CIB3: variants seen among roughly 807,000 people sequenced by gnomAD.
The protein encoded by CIB3 is calcium and integrin-binding family member 3.
A neutral mutation model predicts 23.4 loss-of-function variants in CIB3; 22 were observed. The ratio of observed to expected loss-of-function variants is 0.94; its 90% CI spans 0.67 to 1.34. CIB3 has a LOEUF of 1.34. Ranked by LOEUF, CIB3 falls within the 40% of genes most tolerant of loss-of-function variation. The pLI is 0.00. For synonymous variants in CIB3, 93 were observed against 95.8 expected (o/e 0.97, Z 0.17); for missense variants, 258 against 247.3 (o/e 1.04, Z -0.29).
At position 16,167,239 on chromosome 19, in the gene CIB3, C is replaced by CA. The variant is rs1442216733; in HGVS notation, c.346+897dup. Among the ~76,000 whole-genome samples, 5 of 151,848 alleles carry CA rather than the reference C, an allele frequency of 3.3e-5. No homozygotes were observed. The South Asian group carries it at 6.2e-4, about 19-fold the overall frequency. ...TTGTCTCACAAAAAAAAAACACACA[C>CA]ACAAAAAAAACAAGTATTTATTGAG... On this transcript the variant is annotated intron_variant, in intron 4 of 5. Coordinates refer to ENST00000269878, the MANE Select transcript of CIB3 (RefSeq NM_054113.4).
Position 16,169,732 on chromosome 19 carries a change from A to G in CIB3, c.96T>C (p.Tyr32=). The change falls in exon 3 of 6, where the codon TAT becomes TAC. Residue 32 remains tyrosine (Y), a synonymous_variant. Transcript: ENST00000269878. ...FTRKEIMRLF[Y]RYQDLAPQLV... is the part of the protein sequence containing the mutation. ...GCTGTGGGGCCAGGTCCTGGTAGCGATAGAAGAGCCTGATGTGGGGAGGAA... is the reference window on the plus strand; with the variant it reads ...GCTGTGGGGCCAGGTCCTGGTAGCGGTAGAAGAGCCTGATGTGGGGAGGAA... The G allele has an allele frequency of 1.2e-6, 2 of 1,609,166 alleles. No individual in the cohort carries two copies. The highest frequency in any genetic ancestry group is 1.7e-6 in the Non-Finnish European group (2 of 1,177,638).
intron 2 of CIB3, among the ~76,000 whole-genome samples, chr19:16,171,055 G>A (rs1410712578): frequency 1.3e-5 from 2 of 150,682 alleles, no homozygotes; most frequent in Non-Finnish European, 3.0e-5. Flanking sequence ...GGACAATGGT[G>A]TGAACCCGGG....
chr19:16,172,338 A>C (rs1445111509), intron 2 of CIB3, among the ~76,000 whole-genome samples: 2 of 152,226 alleles, frequency 1.3e-5, no homozygotes, highest in East Asian at 3.9e-4. Flanking sequence ...TATTATTAGC[A>C]GAGATGGGGT....
intron 4 of CIB3, among the ~76,000 whole-genome samples, chr19:16,165,762 A>G (rs1216116895): frequency 6.6e-6 from 1 of 152,170 alleles, no homozygotes; most frequent in Non-Finnish European, 1.5e-5. Context: ...CATTTTTACA[A>G]GCATTGAGTG....
intron 2 of CIB3, among the ~76,000 whole-genome samples, chr19:16,171,062 C>T (rs966923764): frequency 1.3e-5 from 2 of 149,602 alleles, no homozygotes; most frequent in East Asian, 4.0e-4. Flanking sequence ...GGTGTGAACC[C>T]GGGAGGCGCA....
chr19:16,172,591 C>T (rs1456451713), intron 2 of CIB3, among the ~76,000 whole-genome samples: 1 of 152,190 alleles, frequency 6.6e-6, no homozygotes, highest in Non-Finnish European at 1.5e-5. Flanking sequence ...GACTTGTCAG[C>T]TTCTCCATCT....
intron 5 of CIB3, among the ~76,000 whole-genome samples, chr19:16,162,886 C>CTTT (rs373689760): frequency 1.7e-4 from 17 of 102,440 alleles, no homozygotes; most frequent in African/African-American, 5.3e-4. Flanking sequence ...CTTTTCTTTT[C>CTTT]TTTTTTTTTT....
chr19:16,164,933 G>A lies in CIB3; in HGVS notation c.347-20C>T. On this transcript the variant is annotated intron_variant, in intron 4 of 5. Coordinates refer to ENST00000269878, the MANE Select transcript of CIB3 (RefSeq NM_054113.4). The stretch of plus-strand genomic sequence containing the variant: ...TAAAATCTGCAGAGCAGGATGGATG[G>A]GGAGTGACAGCAGGTGGCAGGAGGG... The A allele has an allele frequency of 6.2e-7, 1 of 1,609,440 alleles. No homozygotes were observed. Among genetic ancestry groups the A allele is most frequent in the South Asian group, 1.1e-5 (1 of 90,980 alleles).
chr19:16,172,780 A>G (rs942317234), intron 2 of CIB3, among the ~76,000 whole-genome samples: 9 of 151,940 alleles, frequency 5.9e-5, no homozygotes, highest in Admixed American at 4.6e-4. Flanking sequence ...TGAGAGCCCC[A>G]TCTCTATAAA....
rs2091314234 is a variant in CIB3 at position 16,168,304 on chromosome 19, T to C, written c.199-20A>G. 6.2e-7 allele frequency: 1 copy of C among 1,613,092 alleles called. No individual in the cohort carries two copies. ...GTTGTCCTGGGGACAGAAAGGAAGC[T>C]GGGAGGCCATCCTCTGACCCCCAAG... is the stretch of plus-strand genomic sequence containing the variant. On this transcript the variant is annotated intron_variant, in intron 3 of 5. Transcript: ENST00000269878.
intron 2 of CIB3, among the ~76,000 whole-genome samples, chr19:16,172,093 T>C (rs1319783801): frequency 6.6e-6 from 1 of 152,228 alleles, no homozygotes; most frequent in Non-Finnish European, 1.5e-5. Flanking sequence ...CAACCCAGAC[T>C]GGGCTCTGGA....
At chr19:16,168,738 C>T (rs1325360676) in intron 3 of CIB3, among the ~76,000 whole-genome samples, 2 of 152,126 alleles carry the variant, frequency 1.3e-5, no homozygotes, top group Admixed American at 6.6e-5. Flanking sequence ...AGACTGAAAC[C>T]TCTTCCTGGG....
intron 4 of CIB3, among the ~76,000 whole-genome samples, chr19:16,166,853 G>A (rs1165155294): frequency 1.3e-5 from 2 of 152,190 alleles, no homozygotes; most frequent in Non-Finnish European, 2.9e-5. Flanking sequence ...GCCGAGGTGG[G>A]TGGATCACTT....
Position 16,173,144 on chromosome 19 carries a change from C to T in CIB3, c.86+18G>A, listed in dbSNP as rs764267462. 14 of 1,613,744 alleles carry T rather than the reference C, an allele frequency of 8.7e-6. No individual in the cohort carries two copies. The highest frequency in any genetic ancestry group is 2.7e-5 in the African/African-American group (2 of 74,796). ...AGTTGTTTTTCCAGATCTTCTCTCC[C>T]TTCCTCCCTGGACTGACCTCATGAT... On this transcript the variant is annotated intron_variant, in intron 2 of 5. Coordinates refer to ENST00000269878, the MANE Select transcript of CIB3 (RefSeq NM_054113.4).
intron 5 of CIB3, among the ~76,000 whole-genome samples, chr19:16,164,281 T>A (rs1384803293): frequency 1.3e-5 from 2 of 152,202 alleles, no homozygotes; most frequent in African/African-American, 4.8e-5. Flanking sequence ...GGTTGGAATA[T>A]TATTATTCTT....
At chr19:16,165,535 C>T (rs1001872742) in intron 4 of CIB3, among the ~76,000 whole-genome samples, 7 of 151,910 alleles carry the variant, frequency 4.6e-5, no homozygotes, top group African/African-American at 1.7e-4. Context: ...CCTCCACCTC[C>T]TGGGTTCAAG....
At position 16,173,211 on chromosome 19, in the gene CIB3, G is replaced by A. The variant is rs372730800; in HGVS notation, c.52-15C>T. 6.2e-7 allele frequency: 1 copy of A among 1,613,892 alleles called. No homozygotes were observed. The highest frequency in any genetic ancestry group is 8.5e-7 in the Non-Finnish European group (1 of 1,180,000). Reference sequence around the variant, plus strand: ...AATGTGCAGTCCTGTGGAGAGAGGTGTTGTCTTAACCCGAACCCTGCCTCT... The same window carrying A: ...AATGTGCAGTCCTGTGGAGAGAGGTATTGTCTTAACCCGAACCCTGCCTCT... On this transcript the variant is annotated splice_polypyrimidine_tract_variant and intron_variant, in intron 1 of 5. Transcript: ENST00000269878.
At chr19:16,173,249 C>CACGG in intron 1 of CIB3, 53 bp from the exon 2 acceptor site, 1 of 1,612,654 alleles carries the variant, frequency 6.2e-7, no homozygotes, top group Non-Finnish European at 8.5e-7. Context: ...GGCCTCCTCC[C>CACGG]ACGGCCTCCT....
intron 4 of CIB3, among the ~76,000 whole-genome samples, chr19:16,165,167 C>T (rs1034609354): frequency 4.6e-5 from 7 of 151,764 alleles, no homozygotes; most frequent in African/African-American, 9.7e-5. Flanking sequence ...GTGGCATGCA[C>T]CTGTAATCCC....
Sources: gnomAD v4.1 joint callset for allele counts (sites outside exome capture counted in the v4.1 genomes callset) on GRCh38, gnomAD v4.1.1 for gene constraint, MANE v1.5 for transcripts, NCBI Gene and HGNC (gene_info 2026-07-23, HGNC 2026-07-21) for gene names.